SRPK2: variants seen among roughly 807,000 people sequenced by gnomAD.
SRPK2 encodes SFRS protein kinase 2.
SRPK2 carries 21 observed loss-of-function variants against 90.8 expected under a neutral mutation model. The observed-to-expected ratio is 0.23, with a 90% CI of 0.16 to 0.33. SRPK2 has a LOEUF of 0.33. Among genes scored for constraint, SRPK2 ranks in the 10% least tolerant of loss-of-function variants. SRPK2 has a pLI of 1.00. For synonymous variants in SRPK2, 288 were observed against 311.1 expected (o/e 0.93, Z 0.78); for missense variants, 620 against 869.0 (o/e 0.71, Z 3.60).
intron 2 of SRPK2, among the ~76,000 whole-genome samples, chr7:105,228,852 G>A (rs1040464925): frequency 1.3e-5 from 2 of 152,198 alleles, no homozygotes; most frequent in Non-Finnish European, 2.9e-5. Flanking sequence ...GCACTCGCTC[G>A]CTCACATGCT....
At chr7:105,191,718 CG>C (rs1794303335) in intron 3 of SRPK2, among the ~76,000 whole-genome samples, 1 of 152,004 alleles carries the variant, frequency 6.6e-6, no homozygotes, top group Admixed American at 6.6e-5. Context: ...ATAATAAAGA[CG>C]GTACCTCCAT....
In SRPK2 at chr7:105,355,399, C is replaced by T. The variant is rs117586448; in HGVS notation, c.71+33249G>A. 4.2e-3 allele frequency among the ~76,000 whole-genome samples: 639 copies of T among 152,188 alleles called. 1 individual carries two copies. Among genetic ancestry groups the T allele is most frequent in the Middle Eastern group, 0.014 (4 of 294 alleles). On this transcript the variant is annotated intron_variant, in intron 2 of 15. Coordinates refer to ENST00000393651, the MANE Select transcript of SRPK2 (RefSeq NM_182692.3). ...GTGGCTCACGCCTGTAATCCCAACA[C>T]TTTGGCAAACAGAGGCAGAAGGATC...
chr7:105,293,201 G>C (rs769506768), intron 2 of SRPK2, among the ~76,000 whole-genome samples: 11 of 151,930 alleles, frequency 7.2e-5, no homozygotes, highest in Non-Finnish European at 1.6e-4. Flanking sequence ...AAGAGGCTGA[G>C]GCAAGATAAC....
chr7:105,332,643 T>C (rs1430390115), intron 2 of SRPK2: 1 of 151,126 alleles, frequency 6.6e-6, no homozygotes, highest in Non-Finnish European at 1.5e-5. Flanking sequence ...GGGTACCTGT[T>C]AAGACCAGCT....
chr7:105,273,690 C>T (rs570455845), intron 2 of SRPK2, among the ~76,000 whole-genome samples: 1 of 152,242 alleles, frequency 6.6e-6, no homozygotes, highest in Admixed American at 6.5e-5. Flanking sequence ...ATTTGCATTA[C>T]CAAATTACTA....
chr7:105,151,931 G>A (rs1451586732), intron 7 of SRPK2, among the ~76,000 whole-genome samples: 1 of 151,380 alleles, frequency 6.6e-6, no homozygotes, highest in African/African-American at 2.4e-5. Context: ...GGTTGAGGCA[G>A]GAGAATCACT....
intron 2 of SRPK2, among the ~76,000 whole-genome samples, chr7:105,323,369 G>C (rs1392793363): frequency 6.6e-6 from 1 of 152,124 alleles, no homozygotes; most frequent in Non-Finnish European, 1.5e-5. Flanking sequence ...AAATATTCAA[G>C]TCTGCATTAC....
chr7:105,135,021 A>G (rs760859093), intron 11 of SRPK2, among the ~76,000 whole-genome samples: 1 of 152,192 alleles, frequency 6.6e-6, no homozygotes, highest in African/African-American at 2.4e-5. Flanking sequence ...ATGAATATAC[A>G]CTGATTCACC....
upstream of SRPK2, among the ~76,000 whole-genome samples, chr7:105,394,384 G>A (rs930532351): frequency 7.9e-5 from 12 of 151,884 alleles, no homozygotes; most frequent in East Asian, 1.9e-4. Flanking sequence ...CTCATGATCC[G>A]CCCGCCTCGG....
chr7:105,168,768 T>C (rs1662692133), intron 4 of SRPK2, among the ~76,000 whole-genome samples: 2 of 149,240 alleles, frequency 1.3e-5, no homozygotes, highest in African/African-American at 2.5e-5. Flanking sequence ...TGTGTGTGTG[T>C]GTGTGTGTGT....
intron 2 of SRPK2, among the ~76,000 whole-genome samples, chr7:105,216,860 C>G (rs1279411664): frequency 6.6e-6 from 1 of 152,110 alleles, no homozygotes; most frequent in Non-Finnish European, 1.5e-5. Context: ...AGAACTCAAG[C>G]CAGTGACCAT....
At chr7:105,220,404 G>C (rs545698532) in intron 2 of SRPK2, among the ~76,000 whole-genome samples, 2 of 152,044 alleles carry the variant, frequency 1.3e-5, no homozygotes, top group Admixed American at 1.3e-4. Flanking sequence ...GCGCACACCT[G>C]TATCCCAGTT....
At chr7:105,132,495 T>C (rs943949418) in intron 13 of SRPK2, among the ~76,000 whole-genome samples, 1 of 152,180 alleles carries the variant, frequency 6.6e-6, no homozygotes, top group Non-Finnish European at 1.5e-5. Context: ...GTGAAGTCAC[T>C]GTGTCACAAC....
chr7:105,352,710 G>A (rs1297668134), intron 2 of SRPK2, among the ~76,000 whole-genome samples: 2 of 152,176 alleles, frequency 1.3e-5, no homozygotes, highest in Non-Finnish European at 2.9e-5. Context: ...GACCAGCCTG[G>A]CCAACATAGT....
chr7:105,259,199 C>G (rs1406342891), intron 2 of SRPK2, among the ~76,000 whole-genome samples: 2 of 152,176 alleles, frequency 1.3e-5, no homozygotes, highest in Admixed American at 1.3e-4. Context: ...TCTCAGGATA[C>G]AAAATCAATG....
intron 2 of SRPK2, among the ~76,000 whole-genome samples, chr7:105,215,159 T>A (rs187978079): frequency 3.9e-5 from 6 of 152,292 alleles, no homozygotes; most frequent in Admixed American, 3.9e-4. Context: ...AGCTAAATTC[T>A]TACCTCCCAC....
rs1804035451 is a variant in SRPK2, at chr7:105,260,345, A to G, written c.72-56560T>C. On this transcript the variant is annotated intron_variant, in intron 2 of 15. Transcript: ENST00000393651. ...AAACCACAATGAGATACCATCTCAC[A>G]CCAGTTAGAATGGTGATCATTAAAA... 2.0e-5 allele frequency among the ~76,000 whole-genome samples: 3 copies of G among 152,246 alleles called. No homozygotes were observed. The South Asian group carries it at 6.2e-4, about 32-fold the overall frequency.
chr7:105,378,423 T>C (rs576383582), intron 2 of SRPK2, among the ~76,000 whole-genome samples: 1 of 152,146 alleles, frequency 6.6e-6, no homozygotes, highest in East Asian at 1.9e-4. Flanking sequence ...GCAAAAGACT[T>C]AAAAAGGCGC....
At chr7:105,363,035 C>T (rs965880502) in intron 2 of SRPK2, among the ~76,000 whole-genome samples, 2 of 148,766 alleles carry the variant, frequency 1.3e-5, no homozygotes, top group African/African-American at 4.9e-5. Context: ...CGGGGCCTGT[C>T]GTGGGGTGGG....
Sources: gnomAD v4.1 joint callset for allele counts (sites outside exome capture counted in the v4.1 genomes callset) on GRCh38, gnomAD v4.1.1 for gene constraint, MANE v1.5 for transcripts, NCBI Gene and HGNC (gene_info 2026-07-23, HGNC 2026-07-21) for gene names.